KNDC1: variants seen among roughly 807,000 people sequenced by gnomAD.
KNDC1 encodes the protein kinase non-catalytic C-lobe domain containing 1.
A neutral mutation model predicts 172.8 loss-of-function variants in KNDC1; 106 were observed. The observed-to-expected ratio is 0.61, with a 90% CI of 0.52 to 0.72. The LOEUF is 0.72. Among genes scored for constraint, KNDC1 ranks in the 30% least tolerant of loss-of-function variants. The probability of loss-of-function intolerance (pLI) is 0.00; values close to 1 mark genes in which losing one functional copy is unlikely to be tolerated. For missense variants in KNDC1, 2,325 were observed against 2,394.5 expected, an observed-to-expected ratio of 0.97 and a Z score of 0.61; for synonymous variants, 1,083 against 1,062.2, an observed-to-expected ratio of 1.02 and a Z score of -0.38.
At chr10:133,204,354 A>C (rs73388570) in intron 17 of KNDC1, among the ~76,000 whole-genome samples, 9,246 of 152,280 alleles carry the variant, frequency 0.061, 709 homozygotes, top group African/African-American at 0.18. Context: ...CTGATGTTTT[A>C]ATTTCACTGC....
rs1845696618 is a variant in KNDC1 at position 133,225,205 on chromosome 10, A to T, written c.*315A>T. 5.8e-6 allele frequency: 2 copies of T among 345,932 alleles called. No homozygotes were observed. The highest frequency in any genetic ancestry group is 4.3e-5 in the African/African-American group (2 of 47,028). The allele number at this position is 345,932 out of a possible 1,614,324, so 21.4% of individuals were successfully genotyped here. ...AGTTTTGTGCCTGTCTGCGCCTCTC[A>T]CACACAGATAAGTGGCTCTTACCCA... On this transcript the variant is annotated 3_prime_UTR_variant, in exon 30 of 30. Transcript: ENST00000304613.
At chr10:133,164,444 G>A (rs1041437762) in intron 1 of KNDC1, among the ~76,000 whole-genome samples, 10 of 152,330 alleles carry the variant, frequency 6.6e-5, no homozygotes, top group African/African-American at 1.4e-4. Context: ...CCAGCCTGCC[G>A]TGGGGCCCTC....
chr10:133,216,574 G>A (rs1845471993), intron 26 of KNDC1, among the ~76,000 whole-genome samples: 1 of 152,124 alleles, frequency 6.6e-6, no homozygotes, highest in African/African-American at 2.4e-5. Context: ...CTCCTCAGGA[G>A]GCTGAGGCGG....
intron 17 of KNDC1, among the ~76,000 whole-genome samples, chr10:133,204,470 G>C (rs1432098515): frequency 2.6e-5 from 4 of 152,148 alleles, no homozygotes; most frequent in Non-Finnish European, 4.4e-5. Flanking sequence ...CTTAGTGGCC[G>C]AGGTTCTGCA....
chr10:133,168,899 G>A (rs537004908), intron 3 of KNDC1, among the ~76,000 whole-genome samples: 4 of 152,186 alleles, frequency 2.6e-5, no homozygotes, highest in African/African-American at 4.8e-5. Flanking sequence ...GGGAGGAGTC[G>A]GGCAACGGCA....
In KNDC1 at chr10:133,188,626, G is replaced by A. The variant is rs757892036; in HGVS notation, c.1414G>A (p.Ala472Thr). ...LWALCLACLR[A>T]LQTRPEHPAY... ...GGCCCTGTGCCTGGCCTGCCTCCGC[G>A]CACTGCAGACACGCCCTGAGCACCC... Residue 472 changes from alanine (A) to threonine (T), a missense_variant, in exon 7 of 30, where the codon GCA becomes ACA. By Grantham distance (58) the Ala-to-Thr change is moderately conservative. Coordinates refer to ENST00000304613, the MANE Select transcript of KNDC1 (RefSeq NM_152643.8). 1.9e-5 allele frequency: 31 copies of A among 1,594,842 alleles called. No individual in the cohort carries two copies. The highest frequency in any genetic ancestry group is 9.0e-5 in the East Asian group (4 of 44,304).
intron 3 of KNDC1, among the ~76,000 whole-genome samples, chr10:133,178,007 G>C (rs1853601279): frequency 6.8e-6 from 1 of 147,006 alleles, no homozygotes. Context: ...CATGTATGTG[G>C]TGTGTGCATG....
Position 133,187,169 on chromosome 10 carries a change from C to T in KNDC1, c.1326+495C>T, listed in dbSNP as rs894923621. Among the ~76,000 whole-genome samples the T allele has an allele frequency of 1.2e-4, 18 of 152,312 alleles. No individual in the cohort carries two copies. In the South Asian group the frequency reaches 2.1e-3, roughly 18 times the overall value. ...GGTGGTGTCGGTGCTGGGCCACCTC[C>T]GCTGCCTCCGCGGGGACGCTGGGAT... On this transcript the variant is annotated intron_variant, in intron 6 of 29. Coordinates refer to ENST00000304613, the MANE Select transcript of KNDC1 (RefSeq NM_152643.8).
intron 29 of KNDC1, among the ~76,000 whole-genome samples, chr10:133,220,453 C>G (rs111256372): frequency 9.4e-4 from 5 of 5,342 alleles, no homozygotes; most frequent in Non-Finnish European, 9.9e-4. Context: ...GCTCAGGCGG[C>G]CGCGCGCCCA....
chr10:133,199,630 C>G, intron 15 of KNDC1, 28 bp downstream of exon 15: 1 of 1,608,674 alleles, frequency 6.2e-7, no homozygotes, highest in Non-Finnish European at 8.5e-7. Flanking sequence ...CCCTGCATTC[C>G]CGCCCCTCCC....
chr10:133,167,643 G>A (rs1853217261), intron 2 of KNDC1, 64 bp downstream of exon 2: 14 of 1,491,738 alleles, frequency 9.4e-6, no homozygotes, highest in South Asian at 1.2e-5. Context: ...TTTCAGGGGG[G>A]ATGTGAGCAC....
At position 133,178,151 on chromosome 10, in the gene KNDC1, G is replaced by T. The variant is rs181935898; in HGVS notation, c.361-5193G>T. Among the ~76,000 whole-genome samples the T allele has an allele frequency of 3.0e-3, 456 of 150,462 alleles. 2 individuals carry two copies. Among genetic ancestry groups the T allele is most frequent in the African/African-American group, 0.01 (428 of 40,940 alleles). ...TGCATGCATGTAGTCTATGTGTCACGGGCACACGAGTGTATCCTGTGTGTA... is the reference window on the plus strand; with the variant it reads ...TGCATGCATGTAGTCTATGTGTCACTGGCACACGAGTGTATCCTGTGTGTA... On this transcript the variant is annotated intron_variant, in intron 3 of 29. Coordinates refer to ENST00000304613, the MANE Select transcript of KNDC1 (RefSeq NM_152643.8).
At chr10:133,190,762 C>T (rs563223988) in intron 9 of KNDC1, among the ~76,000 whole-genome samples, 4 of 152,348 alleles carry the variant, frequency 2.6e-5, no homozygotes, top group African/African-American at 7.2e-5. Flanking sequence ...TTCACCTTTA[C>T]ACCAAGAAGG....
intron 24 of KNDC1, among the ~76,000 whole-genome samples, chr10:133,213,277 C>T (rs1001704978): frequency 7.9e-5 from 12 of 152,206 alleles, no homozygotes; most frequent in Non-Finnish European, 1.5e-4. Flanking sequence ...CAACCCGGTT[C>T]CTTGTGCCCC....
chr10:133,225,666 TGG>T lies in KNDC1; in HGVS notation c.*777_*778del, dbSNP rs1845704608. 6.6e-6 allele frequency: 1 copy of T among 152,354 alleles called. No homozygotes were observed. The highest frequency in any genetic ancestry group is 2.1e-4 in the South Asian group (1 of 4,834). The allele number at this position is 152,354 out of a possible 1,614,324, so 9.4% of individuals were successfully genotyped here. ...GAGCAGCTCCAAGACAGAGGCTCTG[TGG>T]CGGGGGTCCCTGAGAGTGCCCCCAC... On this transcript the variant is annotated 3_prime_UTR_variant, in exon 30 of 30. Transcript: ENST00000304613.
chr10:133,205,008 C>CCACCACCACCCTCACCCCCAGAAT (rs1554918834), intron 17 of KNDC1, among the ~76,000 whole-genome samples: 14 of 144,596 alleles, frequency 9.7e-5, no homozygotes, highest in African/African-American at 3.1e-4. Flanking sequence ...CACCCCAGAA[C>CCACCACCACCCTCACCCCCAGAAT]CACCACCCTC....
chr10:133,219,013 C>T lies in KNDC1; in HGVS notation c.4801-18C>T, dbSNP rs747857359. On this transcript the variant is annotated intron_variant, in intron 27 of 29. Coordinates refer to ENST00000304613, the MANE Select transcript of KNDC1 (RefSeq NM_152643.8). ...TACCCGCACGGCCGCAGGAGGCTCACCTGTGCTTTCATTTCAGGCCTGGAG... is the reference window on the plus strand; with the variant it reads ...TACCCGCACGGCCGCAGGAGGCTCATCTGTGCTTTCATTTCAGGCCTGGAG... 4.3e-6 allele frequency: 7 copies of T among 1,613,942 alleles called. No homozygotes were observed. Among genetic ancestry groups the T allele is most frequent in the Admixed American group, 1.7e-5 (1 of 60,022 alleles).
intron 3 of KNDC1, among the ~76,000 whole-genome samples, chr10:133,182,660 A>G (rs1254296545): frequency 2.0e-5 from 3 of 152,272 alleles, no homozygotes; most frequent in Non-Finnish European, 4.4e-5. Flanking sequence ...CCAGACTCTC[A>G]AACAAAAAGA....
At chr10:133,180,373 C>T (rs980060512) in intron 3 of KNDC1, among the ~76,000 whole-genome samples, 1 of 152,202 alleles carries the variant, frequency 6.6e-6, no homozygotes, top group East Asian at 1.9e-4. Flanking sequence ...GCCCCTCGCC[C>T]GCGGCCATGC....
Sources: allele counts gnomAD v4.1 joint callset (sites outside exome capture counted in the v4.1 genomes callset), GRCh38; gene constraint gnomAD v4.1.1; transcripts MANE v1.5; gene names NCBI Gene and HGNC (gene_info 2026-07-23, HGNC 2026-07-21).